KLHL1: variants seen among roughly 807,000 people sequenced by gnomAD.
The protein encoded by KLHL1 is kelch-like protein 1.
In KLHL1, 47 loss-of-function variants were observed where a neutral mutation model predicts 77.7. That is an observed-to-expected ratio of 0.60 (90% CI 0.48 to 0.77). The LOEUF (loss-of-function observed/expected upper bound fraction) is 0.77. Among genes scored for constraint, KLHL1 ranks in the 30% least tolerant of loss-of-function variants. KLHL1 has a pLI of 0.00. For synonymous variants in KLHL1, 360 were observed against 325.2 expected, an observed-to-expected ratio of 1.11 and a Z score of -1.15; for missense variants, 925 against 910.8, an observed-to-expected ratio of 1.02 and a Z score of -0.20.
chr13:69,967,254 A>G (rs1017101172), intron 2 of KLHL1, among the ~76,000 whole-genome samples: 1 of 152,096 alleles, frequency 6.6e-6, no homozygotes, highest in African/African-American at 2.4e-5. Context: ...GGAAAATTTC[A>G]CTCTCCTACA....
chr13:69,924,740 G>A (rs9542116), intron 4 of KLHL1, among the ~76,000 whole-genome samples: 53,496 of 152,030 alleles, frequency 0.35, 10,295 homozygotes, highest in Non-Finnish European at 0.43. Flanking sequence ...AAGAGCAGCC[G>A]CCCTTTAGGG....
At chr13:69,745,902 CA>C (rs2137938958) in intron 7 of KLHL1, among the ~76,000 whole-genome samples, 1 of 151,768 alleles carries the variant, frequency 6.6e-6, no homozygotes, top group South Asian at 2.1e-4. Context: ...ATTGAATACA[CA>C]AAATTTTTTA....
At chr13:70,102,924 A>G (rs143868675) in intron 1 of KLHL1, among the ~76,000 whole-genome samples, 3 of 152,204 alleles carry the variant, frequency 2.0e-5, no homozygotes, top group Non-Finnish European at 4.4e-5. Flanking sequence ...GGGTAGAATG[A>G]TGAGTAAAAC....
intron 6 of KLHL1, among the ~76,000 whole-genome samples, chr13:69,826,496 C>T (rs1878554096): frequency 6.6e-6 from 1 of 152,106 alleles, no homozygotes; most frequent in Non-Finnish European, 1.5e-5. Context: ...AGGAGAATCG[C>T]TTGAACCTGG....
chr13:70,050,131 T>C (rs1025821), intron 1 of KLHL1, among the ~76,000 whole-genome samples: 32,131 of 151,770 alleles, frequency 0.21, 4,100 homozygotes, highest in African/African-American at 0.36. Context: ...ACAAACAGCC[T>C]CTAATTTTAT....
chr13:70,070,394 T>C (rs1393322989), intron 1 of KLHL1, among the ~76,000 whole-genome samples: 2 of 151,762 alleles, frequency 1.3e-5, no homozygotes, highest in African/African-American at 4.8e-5. Context: ...AGAACAAAGA[T>C]AAGAATTACA....
intron 3 of KLHL1, among the ~76,000 whole-genome samples, 194 bp downstream of exon 3, chr13:69,961,114 G>A (rs555571989): frequency 6.1e-4 from 93 of 151,988 alleles, no homozygotes; most frequent in African/African-American, 1.8e-3. Flanking sequence ...GTGGAAGAAC[G>A]AAATGTATAT....
At chr13:69,936,845 C>G (rs1883203343) in intron 4 of KLHL1, among the ~76,000 whole-genome samples, 1 of 152,098 alleles carries the variant, frequency 6.6e-6, no homozygotes, top group Non-Finnish European at 1.5e-5. Flanking sequence ...TCCTCAAGAA[C>G]CTCCAGAGGC....
intron 6 of KLHL1, among the ~76,000 whole-genome samples, chr13:69,825,987 C>T (rs1305220499): frequency 7.8e-5 from 1 of 12,780 alleles, no homozygotes; most frequent in African/African-American, 1.3e-4. Flanking sequence ...TACTTACTTA[C>T]AGAAAAAAAA....
chr13:69,950,430 CTT>C (rs1448447123), intron 3 of KLHL1, among the ~76,000 whole-genome samples: 2 of 151,572 alleles, frequency 1.3e-5, no homozygotes, highest in Non-Finnish European at 3.0e-5. Context: ...GAGAACATGT[CTT>C]ATCTTCAAAT....
intron 1 of KLHL1, among the ~76,000 whole-genome samples, chr13:70,006,757 G>A (rs1485125145): frequency 6.6e-6 from 1 of 151,866 alleles, no homozygotes; most frequent in African/African-American, 2.4e-5. Flanking sequence ...CATGCTGACA[G>A]CACTAGATTA....
rs563088839 is a variant in KLHL1 at position 69,764,984 on chromosome 13, C to G, written c.1640-24428G>C. Among the ~76,000 whole-genome samples the G allele has an allele frequency of 7.6e-5, 7 of 91,770 alleles. No homozygotes were observed. The South Asian group carries it at 2.8e-3, about 36-fold the overall frequency. 60.2% of individuals were successfully genotyped at this position (91,770 alleles called of 152,430 possible). A position where few individuals can be genotyped will look rare whatever the true frequency, so the allele number is the denominator to read the frequency against. ...TTTTTTTTTTTGAGACCAAGTCTCG[C>G]TTTGTCGCCCAGGCTGGAGTGCAGT... On this transcript the variant is annotated intron_variant, in intron 7 of 10. Transcript: ENST00000377844.
intron 1 of KLHL1, among the ~76,000 whole-genome samples, chr13:70,055,256 C>T (rs2439613): frequency 0.97 from 147,748 of 152,192 alleles, 71,817 homozygotes; most frequent in East Asian, 1. Context: ...CCAGAAGAGG[C>T]CAATATGTCA....
intron 1 of KLHL1, among the ~76,000 whole-genome samples, chr13:70,005,863 G>T (rs1885393710): frequency 6.6e-6 from 1 of 151,378 alleles, no homozygotes; most frequent in African/African-American, 2.4e-5. Flanking sequence ...ACTGTTGTAA[G>T]AACTCTTATC....
At chr13:69,988,092 C>T (rs75324414) in intron 1 of KLHL1, among the ~76,000 whole-genome samples, 7 of 150,878 alleles carry the variant, frequency 4.6e-5, no homozygotes, top group South Asian at 2.1e-4. Flanking sequence ...TTTTTTTTGG[C>T]GGGGGGAACC....
chr13:69,922,346 C>T (rs1176047825), intron 4 of KLHL1, among the ~76,000 whole-genome samples: 1 of 151,886 alleles, frequency 6.6e-6, no homozygotes, highest in Non-Finnish European at 1.5e-5. Flanking sequence ...TGTAAGGACA[C>T]AAAGTGGTGA....
rs564900556 is a variant in KLHL1, at chr13:69,899,722, A to G, written c.1015-17227T>C. 2.6e-5 allele frequency among the ~76,000 whole-genome samples: 4 copies of G among 152,190 alleles called. No homozygotes were observed. In the South Asian group the frequency reaches 8.3e-4, roughly 32 times the overall value. On this transcript the variant is annotated intron_variant, in intron 4 of 10. Coordinates refer to ENST00000377844, the MANE Select transcript of KLHL1 (RefSeq NM_020866.3). ...GAGATGCCGGAAAGGAACAATAGAG[A>G]AAGATCAGTGGGAAGGAGGTCTGGG...
chr13:70,031,332 G>A (rs1051304290), intron 1 of KLHL1, among the ~76,000 whole-genome samples: 11 of 152,052 alleles, frequency 7.2e-5, no homozygotes, highest in African/African-American at 1.9e-4. Context: ...AGATACATGG[G>A]GATGACTTGA....
chr13:70,042,267 ATCTGTGTG>A (rs142774363), intron 1 of KLHL1, among the ~76,000 whole-genome samples: 4,991 of 151,820 alleles, frequency 0.033, 170 homozygotes, highest in African/African-American at 0.088. Context: ...TTCTTTACAT[ATCTGTGTG>A]TCTGTGTGTC....
Sources: gnomAD v4.1 joint callset for allele counts (sites outside exome capture counted in the v4.1 genomes callset) on GRCh38, gnomAD v4.1.1 for gene constraint, MANE v1.5 for transcripts, NCBI Gene and HGNC (gene_info 2026-07-23, HGNC 2026-07-21) for gene names.